The following IL1RAPL2 variants were observed in gnomAD, a reference collection of about 807,000 sequenced individuals.
IL1RAPL2 encodes the protein X-linked interleukin-1 receptor accessory protein-like 2.
In IL1RAPL2, 3 loss-of-function variants were observed where a neutral mutation model predicts 44.1. The ratio of observed to expected loss-of-function variants is 0.07; its 90% CI spans 0.03 to 0.18. IL1RAPL2 has a LOEUF of 0.18. Ranked by LOEUF, IL1RAPL2 falls within the 10% of genes least tolerant of loss-of-function variation. The pLI, the probability that IL1RAPL2 is intolerant of heterozygous loss-of-function variation, is 1.00. For synonymous variants in IL1RAPL2, 181 were observed against 178.8 expected, an observed-to-expected ratio of 1.01 and a Z score of -0.10; for missense variants, 391 against 496.4, an observed-to-expected ratio of 0.79 and a Z score of 2.02.
In IL1RAPL2 at chrX:105,382,553, T is replaced by C. The variant is rs1216224842; in HGVS notation, c.698-101760T>C. Among the ~76,000 whole-genome samples the C allele has an allele frequency of 3.9e-5, 4 of 103,617 alleles. No homozygotes were observed. The East Asian group carries it at 9.0e-4, about 23-fold the overall frequency. The allele number at this position is 103,617 out of a possible 115,157, so 90.0% of individuals were successfully genotyped here. A position where few individuals can be genotyped will look rare whatever the true frequency, so the allele number is the denominator to read the frequency against. On this transcript the variant is annotated intron_variant, in intron 5 of 10. Transcript: ENST00000372582. ...TAAACTAGTTCAACCATTGTGGAAG[T>C]CAGTGTGGCGATTCCTCAGGGATCT...
intron 2 of IL1RAPL2, among the ~76,000 whole-genome samples, chrX:104,891,797 G>T (rs1051523743): frequency 1.1e-4 from 12 of 111,278 alleles, no homozygotes; most frequent in African/African-American, 3.9e-4. Context: ...TCTTTCTCCT[G>T]CCTGATTGTC....
chrX:105,678,688 C>G (rs1463966490), intron 6 of IL1RAPL2, among the ~76,000 whole-genome samples: 4 of 110,415 alleles, frequency 3.6e-5, no homozygotes, highest in African/African-American at 1.3e-4. Flanking sequence ...TACTAGGAGT[C>G]AATAGGGTAA....
chrX:105,477,525 T>C (rs2036205593), intron 5 of IL1RAPL2, among the ~76,000 whole-genome samples: 1 of 111,895 alleles, frequency 8.9e-6, no homozygotes, highest in Admixed American at 9.5e-5. Context: ...GCTCAGCAAT[T>C]TCTGCATTCA....
At chrX:105,613,658 A>G (rs1220938707) in intron 6 of IL1RAPL2, among the ~76,000 whole-genome samples, 2 of 111,723 alleles carry the variant, frequency 1.8e-5, no homozygotes, top group Admixed American at 1.9e-4. Flanking sequence ...AGCTCATTAA[A>G]GAGTCCTCGG....
intron 6 of IL1RAPL2, among the ~76,000 whole-genome samples, chrX:105,691,574 T>A (rs988012792): frequency 5.4e-5 from 6 of 111,800 alleles, no homozygotes; most frequent in Non-Finnish European, 1.9e-5. Context: ...TCAGCATAGT[T>A]CTATTGCCAC....
chrX:105,351,208 A>G (rs2035151531), intron 5 of IL1RAPL2, among the ~76,000 whole-genome samples: 1 of 111,859 alleles, frequency 8.9e-6, no homozygotes, highest in African/African-American at 3.3e-5. Flanking sequence ...TGTGGAAGAC[A>G]GTGTGGCAAT....
At chrX:105,578,260 T>C (rs1166100333) in intron 6 of IL1RAPL2, among the ~76,000 whole-genome samples, 1 of 111,075 alleles carries the variant, frequency 9.0e-6, no homozygotes, top group Non-Finnish European at 1.9e-5. Context: ...ACATTGGGGA[T>C]AGTTTGTAAA....
rs1020805634 is a variant in IL1RAPL2 at position 105,576,410 on chromosome X, G to A, written c.772+92023G>A. Among the ~76,000 whole-genome samples, 8 of 111,321 alleles carry A rather than the reference G, an allele frequency of 7.2e-5. No homozygotes were observed. The Admixed American group carries it at 7.7e-4, about 11-fold the overall frequency. Reference sequence around the variant, plus strand: ...TTATCCCAGCATCATTTATTGTATAGGGAGTCCTTTACCCATTGCTTATTT... The same window carrying A: ...TTATCCCAGCATCATTTATTGTATAAGGAGTCCTTTACCCATTGCTTATTT... On this transcript the variant is annotated intron_variant, in intron 6 of 10. Coordinates refer to ENST00000372582, the MANE Select transcript of IL1RAPL2 (RefSeq NM_017416.2).
At chrX:104,779,194 T>TAGATAGAAA (rs1932757192) in intron 2 of IL1RAPL2, among the ~76,000 whole-genome samples, 1 of 112,410 alleles carries the variant, frequency 8.9e-6, no homozygotes, top group Admixed American at 9.4e-5. Context: ...GAAATGTGTT[T>TAGATAGAAA]TTTGACAGAA....
At chrX:105,632,809 A>G (rs1054822661) in intron 6 of IL1RAPL2, among the ~76,000 whole-genome samples, 7 of 111,722 alleles carry the variant, frequency 6.3e-5, no homozygotes, top group African/African-American at 2.3e-4. Context: ...AAGATGGTCA[A>G]CTTGCTCAAC....
chrX:104,782,015 G>T (rs934329687), intron 2 of IL1RAPL2, among the ~76,000 whole-genome samples: 1 of 111,667 alleles, frequency 9.0e-6, no homozygotes, highest in Non-Finnish European at 1.9e-5. Flanking sequence ...CAGCAAGAAG[G>T]CTCCATCTCT....
At chrX:105,410,556 C>CTAT (rs1219544215) in intron 5 of IL1RAPL2, among the ~76,000 whole-genome samples, 1 of 111,234 alleles carries the variant, frequency 9.0e-6, no homozygotes, top group Non-Finnish European at 1.9e-5. Context: ...TTTCTTCACA[C>CTAT]TATTTCCCCT....
At chrX:105,204,533 C>G (rs782743544) in intron 3 of IL1RAPL2, among the ~76,000 whole-genome samples, 1 of 111,930 alleles carries the variant, frequency 8.9e-6, no homozygotes, top group African/African-American at 3.2e-5. Context: ...GTGCCTATCA[C>G]TATGGCGAAC....
intron 2 of IL1RAPL2, among the ~76,000 whole-genome samples, chrX:104,724,206 A>G (rs1011823069): frequency 8.1e-5 from 9 of 111,552 alleles, no homozygotes; most frequent in African/African-American, 2.3e-4. Context: ...AGCTACAGAG[A>G]TTAGTAAACT....
intron 2 of IL1RAPL2, among the ~76,000 whole-genome samples, chrX:104,835,688 C>T (rs1043051015): frequency 8.9e-6 from 1 of 112,199 alleles, no homozygotes; most frequent in Non-Finnish European, 1.9e-5. Context: ...AATACTGGCA[C>T]CACTGATACA....
chrX:105,188,149 A>G (rs191021527), intron 2 of IL1RAPL2, among the ~76,000 whole-genome samples: 1 of 111,368 alleles, frequency 9.0e-6, no homozygotes, highest in East Asian at 2.8e-4. Flanking sequence ...TTTTATGGAA[A>G]GGGTAGGAGG....
At chrX:105,050,288 A>G (rs1337464388) in intron 2 of IL1RAPL2, among the ~76,000 whole-genome samples, 1 of 112,245 alleles carries the variant, frequency 8.9e-6, no homozygotes, top group Non-Finnish European at 1.9e-5. Context: ...GACTCAGTAC[A>G]GCTTTCCATT....
intron 6 of IL1RAPL2, among the ~76,000 whole-genome samples, chrX:105,496,198 C>A (rs1019818726): frequency 8.9e-6 from 1 of 112,060 alleles, no homozygotes; most frequent in African/African-American, 3.2e-5. Context: ...TCCTGCCATT[C>A]CAGAACAAAC....
intron 4 of IL1RAPL2, among the ~76,000 whole-genome samples, chrX:105,260,422 C>T (rs141260297): frequency 4.5e-3 from 492 of 110,376 alleles, no homozygotes; most frequent in Non-Finnish European, 6.6e-3. Context: ...GAAGCAGTCT[C>T]GCCACATTTT....
Sources: allele counts gnomAD v4.1 joint callset (sites outside exome capture counted in the v4.1 genomes callset), GRCh38; gene constraint gnomAD v4.1.1; transcripts MANE v1.5; gene names NCBI Gene and HGNC (gene_info 2026-07-23, HGNC 2026-07-21).